The following STXBP5L variants were observed in gnomAD, a reference collection of about 807,000 sequenced individuals.
STXBP5L encodes syntaxin binding protein 5L.
A neutral mutation model predicts 144.5 loss-of-function variants in STXBP5L; 65 were observed. The observed-to-expected ratio is 0.45, with a 90% CI of 0.37 to 0.55. STXBP5L has a LOEUF of 0.55. STXBP5L is among the 20% of genes least tolerant of loss of function. STXBP5L has a pLI of 0.00. For missense variants in STXBP5L, 1,298 were observed against 1,405.5 expected, an observed-to-expected ratio of 0.92 and a Z score of 1.22; for synonymous variants, 505 against 469.6, an observed-to-expected ratio of 1.08 and a Z score of -0.97.
chr3:121,173,513 A>G (rs2046814292), intron 9 of STXBP5L, among the ~76,000 whole-genome samples: 1 of 151,978 alleles, frequency 6.6e-6, no homozygotes. Context: ...ACTCCCCACC[A>G]TGCAGTAAAA....
At chr3:121,296,614 G>T (rs2108477914) in intron 19 of STXBP5L, among the ~76,000 whole-genome samples, 1 of 152,276 alleles carries the variant, frequency 6.6e-6, no homozygotes, top group Admixed American at 6.5e-5. Flanking sequence ...GCCATTCACA[G>T]GTGAGCAGAA....
chr3:121,039,897 A>T (rs944161581), intron 3 of STXBP5L, among the ~76,000 whole-genome samples: 1 of 151,888 alleles, frequency 6.6e-6, no homozygotes, highest in African/African-American at 2.4e-5. Context: ...TTTCAAGTTC[A>T]CTAATCCTCA....
intron 20 of STXBP5L, among the ~76,000 whole-genome samples, chr3:121,349,654 A>C (rs565530957): frequency 1.3e-5 from 2 of 152,082 alleles, no homozygotes; most frequent in Admixed American, 6.5e-5. Context: ...TATTGGGGGC[A>C]TATATATTTA....
chr3:121,417,823 AT>A (rs1304598001), intron 25 of STXBP5L, among the ~76,000 whole-genome samples: 1 of 152,146 alleles, frequency 6.6e-6, no homozygotes, highest in African/African-American at 2.4e-5. Flanking sequence ...TTATAAATCA[AT>A]TTTTTAACAC....
intron 2 of STXBP5L, among the ~76,000 whole-genome samples, chr3:120,929,636 G>A (rs765275174): frequency 2.6e-5 from 4 of 151,870 alleles, no homozygotes; most frequent in Admixed American, 6.6e-5. Context: ...ATTACTTCCC[G>A]AGATGAAATT....
chr3:121,005,259 T>G (rs1468405636), intron 3 of STXBP5L, among the ~76,000 whole-genome samples: 1 of 152,190 alleles, frequency 6.6e-6, no homozygotes, highest in African/African-American at 2.4e-5. Flanking sequence ...GATATTCAAC[T>G]TCTTCCTTAT....
intron 20 of STXBP5L, among the ~76,000 whole-genome samples, chr3:121,332,620 A>G (rs1192957518): frequency 1.3e-5 from 2 of 152,078 alleles, no homozygotes; most frequent in Non-Finnish European, 2.9e-5. Flanking sequence ...ATGGGATTAC[A>G]TAATCCCATG....
intron 5 of STXBP5L, among the ~76,000 whole-genome samples, chr3:121,065,410 G>A (rs1355378275): frequency 6.6e-6 from 1 of 151,944 alleles, no homozygotes; most frequent in Non-Finnish European, 1.5e-5. Flanking sequence ...ACACACACAT[G>A]TCTTTTGTTG....
chr3:120,956,235 A>T (rs918016327), intron 3 of STXBP5L, among the ~76,000 whole-genome samples: 1 of 151,896 alleles, frequency 6.6e-6, no homozygotes, highest in East Asian at 1.9e-4. Flanking sequence ...GTTATTAAAT[A>T]CATTTATATT....
intron 5 of STXBP5L, among the ~76,000 whole-genome samples, chr3:121,089,707 A>T (rs1416941690): frequency 6.6e-6 from 1 of 151,888 alleles, no homozygotes; most frequent in Non-Finnish European, 1.5e-5. Context: ...TATCCTGATA[A>T]TATGATTGAT....
intron 7 of STXBP5L, among the ~76,000 whole-genome samples, chr3:121,136,518 A>G (rs1317845195): frequency 6.6e-6 from 1 of 152,228 alleles, no homozygotes; most frequent in Admixed American, 6.5e-5. Flanking sequence ...AATCAAAACT[A>G]CAATAAGCTA....
intron 20 of STXBP5L, among the ~76,000 whole-genome samples, chr3:121,346,689 G>A: frequency 6.6e-6 from 1 of 152,158 alleles, no homozygotes. Flanking sequence ...GATTTGCATT[G>A]CTCTGATGGC....
intron 9 of STXBP5L, among the ~76,000 whole-genome samples, chr3:121,177,780 T>C (rs998880422): frequency 6.6e-6 from 1 of 152,210 alleles, no homozygotes; most frequent in Admixed American, 6.5e-5. Flanking sequence ...CTTCTGGGCA[T>C]ATGCCCAAAA....
At chr3:121,025,332 A>G (rs898666297) in intron 3 of STXBP5L, among the ~76,000 whole-genome samples, 1 of 152,104 alleles carries the variant, frequency 6.6e-6, no homozygotes, top group Admixed American at 6.6e-5. Context: ...AGTAGTTGGG[A>G]TAGCAAGAAA....
chr3:121,135,025 G>C (rs1462625425), intron 7 of STXBP5L, among the ~76,000 whole-genome samples: 1 of 152,154 alleles, frequency 6.6e-6, no homozygotes, highest in Non-Finnish European at 1.5e-5. Flanking sequence ...CCCACCAACA[G>C]TGTAAAAGTG....
chr3:121,069,791 A>G (rs1234792320), intron 5 of STXBP5L, among the ~76,000 whole-genome samples: 1 of 152,110 alleles, frequency 6.6e-6, no homozygotes, highest in Non-Finnish European at 1.5e-5. Flanking sequence ...GATTGAGGTC[A>G]AGGTTGTTTT....
chr3:121,287,919 G>A (rs1414004796), intron 19 of STXBP5L, among the ~76,000 whole-genome samples: 1 of 152,126 alleles, frequency 6.6e-6, no homozygotes, highest in East Asian at 1.9e-4. Flanking sequence ...CCAAGTTTAT[G>A]TCTCACAAAA....
chr3:121,219,566 G>T (rs1294358533), intron 10 of STXBP5L, among the ~76,000 whole-genome samples: 1 of 152,074 alleles, frequency 6.6e-6, no homozygotes, highest in Non-Finnish European at 1.5e-5. Context: ...CTCCAACTAA[G>T]ATGGCCTCTA....
At chr3:121,226,956 C>A (rs1323209171) in intron 11 of STXBP5L, among the ~76,000 whole-genome samples, 1 of 152,138 alleles carries the variant, frequency 6.6e-6, no homozygotes, top group Non-Finnish European at 1.5e-5. Flanking sequence ...TGAAGACAAG[C>A]ATTTTAGGCA....
Sources: allele counts gnomAD v4.1 joint callset (sites outside exome capture counted in the v4.1 genomes callset), GRCh38; gene constraint gnomAD v4.1.1; transcripts MANE v1.5; gene names NCBI Gene and HGNC (gene_info 2026-07-23, HGNC 2026-07-21).